Variants in BTG4 observed in about 807,000 individuals in gnomAD.
BTG4 encodes BTG anti-proliferation factor 4, also known as protein BTG4.
A neutral mutation model predicts 19.3 loss-of-function variants in BTG4; 10 were observed. That is an observed-to-expected ratio of 0.52 (90% CI 0.32 to 0.88). BTG4 has a LOEUF of 0.88. BTG4 is among the 40% of genes least tolerant of loss of function. The pLI is 0.04. For synonymous variants in BTG4, 91 were observed against 95.7 expected, an observed-to-expected ratio of 0.95 and a Z score of 0.29; for missense variants, 238 against 281.9, an observed-to-expected ratio of 0.84 and a Z score of 1.11.
chr11:111,480,401 T>C (rs1450770387), intron 5 of BTG4, among the ~76,000 whole-genome samples: 2 of 152,022 alleles, frequency 1.3e-5, no homozygotes, highest in Non-Finnish European at 2.9e-5. Context: ...CAGCAATTTA[T>C]AGAACTAGAC....
chr11:111,467,599 A>G (rs1004977599), exon 6 of BTG4: 2 of 719,390 alleles, frequency 2.8e-6, no homozygotes, highest in Non-Finnish European at 2.5e-6. Flanking sequence ...TCTTCCTGCC[A>G]TGGAAGCCCA....
the BTG4 span, among the ~76,000 whole-genome samples, chr11:111,425,705 A>G: frequency 1.3e-5 from 2 of 152,302 alleles, no homozygotes; most frequent in Admixed American, 6.5e-5. Flanking sequence ...ACTACACTCA[A>G]TCTGGGAACT....
downstream of BTG4, among the ~76,000 whole-genome samples, chr11:111,464,027 C>G (rs1591431266): frequency 6.6e-6 from 1 of 152,300 alleles, no homozygotes; most frequent in Non-Finnish European, 1.5e-5. Flanking sequence ...GATGGAGTCT[C>G]TCTCTGTTGC....
chr11:111,461,142 A>C, the BTG4 span, among the ~76,000 whole-genome samples: 1 of 152,218 alleles, frequency 6.6e-6, no homozygotes, highest in East Asian at 1.9e-4. Context: ...TCTCCACCAC[A>C]ATGAAAATGA....
chr11:111,487,191 T>A (rs1865119999), intron 5 of BTG4, among the ~76,000 whole-genome samples: 1 of 152,244 alleles, frequency 6.6e-6, no homozygotes, highest in South Asian at 2.1e-4. Flanking sequence ...ATGGTGCATA[T>A]GTACCACATT....
At chr11:111,492,190 T>G (rs553404794), downstream of BTG4, among the ~76,000 whole-genome samples, 228 of 152,330 alleles carry the variant, frequency 1.5e-3, no homozygotes, top group Non-Finnish European at 2.5e-3. Flanking sequence ...ATCAGCAGCA[T>G]GGGGTTCAGG....
At chr11:111,444,200 T>C in the BTG4 span, among the ~76,000 whole-genome samples, 1 of 136,514 alleles carries the variant, frequency 7.3e-6, no homozygotes, top group Admixed American at 6.9e-5. Flanking sequence ...TGTGTGTGTG[T>C]GTGTGTGTGT....
chr11:111,477,840 T>C (rs1298708742), intron 5 of BTG4, among the ~76,000 whole-genome samples: 1 of 151,994 alleles, frequency 6.6e-6, no homozygotes, highest in Non-Finnish European at 1.5e-5. Context: ...ATAAATCCTA[T>C]AAACTAACAA....
chr11:111,508,703 C>T (rs1282777967), intron 1 of BTG4, among the ~76,000 whole-genome samples: 1 of 150,830 alleles, frequency 6.6e-6, no homozygotes, highest in Non-Finnish European at 1.5e-5. Context: ...TATTAGTCAT[C>T]AGGATTCCTG....
At chr11:111,465,617 C>A (rs1419485472), downstream of BTG4, among the ~76,000 whole-genome samples, 1 of 151,978 alleles carries the variant, frequency 6.6e-6, no homozygotes, top group South Asian at 2.1e-4. Context: ...GAATTCAATC[C>A]CCAAGAGTCT....
intron 1 of BTG4, among the ~76,000 whole-genome samples, chr11:111,505,491 T>C (rs1483613126): frequency 1.3e-5 from 2 of 152,036 alleles, no homozygotes; most frequent in Non-Finnish European, 2.9e-5. Context: ...ATTAAAGACC[T>C]AAATGTAAAA....
At chr11:111,498,534 C>A in intron 2 of BTG4, 70 bp downstream of exon 2, 1 of 1,368,488 alleles carries the variant, frequency 7.3e-7, no homozygotes, top group Non-Finnish European at 1.0e-6. Flanking sequence ...CAAGATCACT[C>A]CATTTTCCTA....
At chr11:111,446,595 A>G in the BTG4 span, among the ~76,000 whole-genome samples, 1 of 151,562 alleles carries the variant, frequency 6.6e-6, no homozygotes, top group Non-Finnish European at 1.5e-5. Context: ...TACTTCCTAT[A>G]AAAAATAATT....
chr11:111,447,870 G>A, the BTG4 span, among the ~76,000 whole-genome samples: 1 of 152,140 alleles, frequency 6.6e-6, no homozygotes, highest in Non-Finnish European at 1.5e-5. Flanking sequence ...GGGATCCTGG[G>A]TCCACTTGTC....
the BTG4 span, among the ~76,000 whole-genome samples, chr11:111,451,582 T>C: frequency 6.6e-6 from 1 of 152,044 alleles, no homozygotes; most frequent in Non-Finnish European, 1.5e-5. Context: ...CTGACCAACA[T>C]GGAGAAACCC....
At chr11:111,458,031 A>T in the BTG4 span, 4 of 152,774 alleles carry the variant, frequency 2.6e-5, no homozygotes, top group Admixed American at 6.5e-5. Flanking sequence ...CTAGTGGCCC[A>T]GAGGCAAGTG....
chr11:111,488,420 C>T (rs1865197027), intron 5 of BTG4, among the ~76,000 whole-genome samples: 1 of 152,180 alleles, frequency 6.6e-6, no homozygotes, highest in African/African-American at 2.4e-5. Flanking sequence ...AACTAGACCA[C>T]TATCTCTTGC....
downstream of BTG4, chr11:111,467,408 T>C (rs1236270316): frequency 2.5e-6 from 1 of 398,116 alleles, no homozygotes; most frequent in Non-Finnish European, 4.4e-6. Context: ...TCCATTTTCC[T>C]GTATACTAAG....
At chr11:111,409,960 A>C in the BTG4 span, among the ~76,000 whole-genome samples, 1 of 152,342 alleles carries the variant, frequency 6.6e-6, no homozygotes, top group South Asian at 2.1e-4. Context: ...AACCTAAAGA[A>C]GGTGAAGGAC....
Sources: gnomAD v4.1 joint callset for allele counts (sites outside exome capture counted in the v4.1 genomes callset) on GRCh38, gnomAD v4.1.1 for gene constraint, MANE v1.5 for transcripts, NCBI Gene and HGNC (gene_info 2026-07-23, HGNC 2026-07-21) for gene names.